DACH2: variants seen among roughly 807,000 people sequenced by gnomAD.
The protein encoded by DACH2 is dachshund homolog 2.
Under a neutral mutation model 35.8 loss-of-function variants are expected in DACH2, and 17 were observed. The ratio of observed to expected loss-of-function variants is 0.48; its 90% confidence interval spans 0.33 to 0.71. DACH2 has a LOEUF of 0.71. Among genes scored for constraint, DACH2 ranks in the 30% least tolerant of loss-of-function variants. The pLI is 0.02. For synonymous variants in DACH2, 195 were observed against 177.3 expected (o/e 1.10, Z -0.79); for missense variants, 469 against 472.7 (o/e 0.99, Z 0.07).
At chrX:86,439,966 T>C (rs1484835498) in intron 2 of DACH2, among the ~76,000 whole-genome samples, 2 of 111,796 alleles carry the variant, frequency 1.8e-5, no homozygotes, top group Non-Finnish European at 3.8e-5. Context: ...TTAATTCCAT[T>C]GTGGTCTGAG....
intron 3 of DACH2, among the ~76,000 whole-genome samples, chrX:86,573,450 T>A (rs1464143229): frequency 9.0e-6 from 1 of 111,616 alleles, no homozygotes; most frequent in Non-Finnish European, 1.9e-5. Context: ...AAATAAATGA[T>A]GTGAAGAAAT....
intron 4 of DACH2, among the ~76,000 whole-genome samples, chrX:86,656,857 G>GTATATATATATATATATATATA (rs752576150): frequency 9.0e-5 from 6 of 66,745 alleles, no homozygotes; most frequent in African/African-American, 1.4e-4. Flanking sequence ...GTGTGTGTGT[G>GTATATATATATATATATATATA]TATATATATA....
At chrX:86,453,138 C>A (rs897279640) in intron 2 of DACH2, among the ~76,000 whole-genome samples, 8 of 111,645 alleles carry the variant, frequency 7.2e-5, no homozygotes, top group African/African-American at 2.6e-4. Flanking sequence ...TGAGTGAATT[C>A]TTTAATCTTG....
Position 86,777,093 on chromosome X carries a change from G to T in DACH2, c.1241-35763G>T, listed in dbSNP as rs186494105. On this transcript the variant is annotated intron_variant, in intron 7 of 11. Transcript: ENST00000373125. ...AGCAGCATGATTTATAATCCTTTGG[G>T]TATATACCCAGCAATGGGATGGCTG... Among the ~76,000 whole-genome samples, 5 of 111,521 alleles carry T rather than the reference G, an allele frequency of 4.5e-5. No individual in the cohort carries two copies. In the East Asian group the frequency reaches 1.4e-3, roughly 32 times the overall value.
intron 1 of DACH2, among the ~76,000 whole-genome samples, chrX:86,228,564 G>A (rs1461904713): frequency 9.0e-6 from 1 of 110,879 alleles, no homozygotes; most frequent in East Asian, 2.8e-4. Context: ...GGCTGTACTA[G>A]TTTACATCCT....
At chrX:86,728,192 A>G (rs183507263) in intron 6 of DACH2, among the ~76,000 whole-genome samples, 2 of 111,998 alleles carry the variant, frequency 1.8e-5, no homozygotes, top group African/African-American at 3.2e-5. Flanking sequence ...CCTGGGTTGC[A>G]TCCGATTCAT....
intron 1 of DACH2, among the ~76,000 whole-genome samples, chrX:86,213,805 G>A (rs2032505401): frequency 9.0e-6 from 1 of 110,802 alleles, no homozygotes; most frequent in African/African-American, 3.3e-5. Flanking sequence ...AATTCCAGCT[G>A]CCTTCAGTAT....
At chrX:86,516,707 C>T (rs1291488684) in intron 3 of DACH2, among the ~76,000 whole-genome samples, 1 of 110,586 alleles carries the variant, frequency 9.0e-6, no homozygotes, top group African/African-American at 3.3e-5. Flanking sequence ...TGCTCCTCTC[C>T]CTCTTCCTGC....
At chrX:86,461,960 G>T (rs1310110077) in intron 2 of DACH2, among the ~76,000 whole-genome samples, 1 of 110,720 alleles carries the variant, frequency 9.0e-6, no homozygotes, top group Non-Finnish European at 1.9e-5. Flanking sequence ...AATATTATAG[G>T]CTCAGAACTT....
chrX:86,657,209 G>A (rs1358848152), intron 4 of DACH2, among the ~76,000 whole-genome samples: 2 of 109,606 alleles, frequency 1.8e-5, no homozygotes, highest in Admixed American at 2.0e-4. Flanking sequence ...AAATAATTTA[G>A]TTGTACATTT....
At chrX:86,317,937 T>C (rs1456473486) in intron 1 of DACH2, among the ~76,000 whole-genome samples, 1 of 111,708 alleles carries the variant, frequency 9.0e-6, no homozygotes, top group Non-Finnish European at 1.9e-5. Context: ...GGGCTTTTAT[T>C]GGCTTTGCAA....
At chrX:86,743,854 A>G (rs2041683229) in intron 7 of DACH2, among the ~76,000 whole-genome samples, 1 of 111,280 alleles carries the variant, frequency 9.0e-6, no homozygotes, top group Admixed American at 9.6e-5. Context: ...AGGTAATGAA[A>G]GTCTAGTTAT....
intron 3 of DACH2, among the ~76,000 whole-genome samples, chrX:86,535,521 T>C (rs1216928036): frequency 9.0e-6 from 1 of 111,095 alleles, no homozygotes; most frequent in Non-Finnish European, 1.9e-5. Flanking sequence ...TTTAGACACA[T>C]TGAACCCACA....
chrX:86,714,541 C>G lies in DACH2; in HGVS notation c.932-7C>G. On this transcript the variant is annotated splice_polypyrimidine_tract_variant and splice_region_variant and intron_variant, in intron 5 of 11. Coordinates refer to ENST00000373125, the MANE Select transcript of DACH2 (RefSeq NM_053281.3). The stretch of plus-strand genomic sequence containing the variant: ...GTAACAAGTTTAATATGCACTGTCT[C>G]TTTTAGGACTGGATCTGCCATTTAT... 8.4e-7 allele frequency: 1 copy of G among 1,187,510 alleles called. No individual in the cohort carries two copies. Among genetic ancestry groups the G allele is most frequent in the Non-Finnish European group, 1.1e-6 (1 of 878,562 alleles).
At chrX:86,831,031 C>T (rs2042606721) in intron 11 of DACH2, 1 of 111,266 alleles carries the variant, frequency 9.0e-6, no homozygotes, top group African/African-American at 3.2e-5. Flanking sequence ...GTCCAACCCT[C>T]CATAAGTCTG....
intron 2 of DACH2, among the ~76,000 whole-genome samples, chrX:86,446,416 G>A (rs1240945796): frequency 3.0e-5 from 2 of 66,879 alleles, no homozygotes; most frequent in Non-Finnish European, 5.4e-5. Flanking sequence ...CTAGCATTAG[G>A]TATATCTCCC....
chrX:86,609,915 C>G (rs2039907817), intron 3 of DACH2, among the ~76,000 whole-genome samples: 1 of 111,564 alleles, frequency 9.0e-6, no homozygotes. Flanking sequence ...ATAACTGAAG[C>G]CAGCACAGCA....
chrX:86,185,294 A>G lies in DACH2; in HGVS notation c.488+36186A>G, dbSNP rs185826392. 1.2e-4 allele frequency among the ~76,000 whole-genome samples: 14 copies of G among 112,046 alleles called. No homozygotes were observed. In the East Asian group the frequency reaches 3.4e-3, roughly 27 times the overall value. On this transcript the variant is annotated intron_variant, in intron 1 of 11. Transcript: ENST00000373125. Reference sequence around the variant, plus strand: ...GTGGCAACAATATATGCCTATCTGTAGGCAAGGTTCTCAGTTTCTTCAGAA... The same window carrying G: ...GTGGCAACAATATATGCCTATCTGTGGGCAAGGTTCTCAGTTTCTTCAGAA...
chrX:86,170,672 T>A (rs1014820563), intron 1 of DACH2, among the ~76,000 whole-genome samples: 3 of 112,522 alleles, frequency 2.7e-5, no homozygotes, highest in African/African-American at 6.5e-5. Context: ...TGATGTTCTC[T>A]TAAGTCCCAA....
Sources: gnomAD v4.1 joint callset for allele counts (sites outside exome capture counted in the v4.1 genomes callset) on GRCh38, gnomAD v4.1.1 for gene constraint, MANE v1.5 for transcripts, NCBI Gene and HGNC (gene_info 2026-07-23, HGNC 2026-07-21) for gene names.